The following ITGBL1 variants were observed in gnomAD, a reference collection of about 807,000 sequenced individuals.
ITGBL1 encodes integrin subunit beta like 1.
Under a neutral mutation model 68.5 loss-of-function variants are expected in ITGBL1, and 51 were observed. The observed-to-expected ratio is 0.74, with a 90% CI of 0.59 to 0.94. The LOEUF is 0.94. Among genes scored for constraint, ITGBL1 ranks in the 40% least tolerant of loss-of-function variants. ITGBL1 has a pLI of 0.00. For missense variants in ITGBL1, 649 were observed against 647.4 expected (o/e 1.00, Z -0.03); for synonymous variants, 209 against 227.3 (o/e 0.92, Z 0.72).
intron 7 of ITGBL1, among the ~76,000 whole-genome samples, chr13:101,648,455 T>G (rs557919916): frequency 3.9e-5 from 6 of 152,280 alleles, no homozygotes; most frequent in Non-Finnish European, 7.4e-5. Context: ...AGATAGACAT[T>G]TAATGATGAA....
chr13:101,567,615 A>G (rs1193582507), intron 2 of ITGBL1, 84 bp from the exon 3 acceptor site: 3 of 1,267,446 alleles, frequency 2.4e-6, no homozygotes, highest in African/African-American at 1.5e-5. Context: ...TCCCAAATCA[A>G]TGTCACTGTT....
intron 2 of ITGBL1, among the ~76,000 whole-genome samples, chr13:101,533,030 A>T (rs948510906): frequency 4.6e-5 from 7 of 152,244 alleles, no homozygotes; most frequent in African/African-American, 1.7e-4. Context: ...TATCATCATC[A>T]TAGGACATAC....
At chr13:101,664,479 T>A (rs2033165251) in intron 7 of ITGBL1, among the ~76,000 whole-genome samples, 3 of 152,312 alleles carry the variant, frequency 2.0e-5, no homozygotes, top group African/African-American at 7.2e-5. Flanking sequence ...GTTTCTTTTT[T>A]AAATATTGTT....
At chr13:101,605,862 A>G (rs1193343620) in intron 7 of ITGBL1, among the ~76,000 whole-genome samples, 3 of 150,360 alleles carry the variant, frequency 2.0e-5, no homozygotes, top group Non-Finnish European at 3.0e-5. Context: ...ATGTGTGTAT[A>G]TGTGTATATA....
At chr13:101,542,010 C>T (rs944059606) in intron 2 of ITGBL1, among the ~76,000 whole-genome samples, 6 of 152,254 alleles carry the variant, frequency 3.9e-5, no homozygotes, top group Admixed American at 3.3e-4. Flanking sequence ...AAACCAGCTC[C>T]TGGATTCATT....
intron 2 of ITGBL1, among the ~76,000 whole-genome samples, chr13:101,532,427 A>T (rs1477368437): frequency 6.6e-6 from 1 of 152,210 alleles, no homozygotes; most frequent in African/African-American, 2.4e-5. Context: ...ATGTTAATAT[A>T]TATTTTTGGA....
At position 101,661,793 on chromosome 13, in the gene ITGBL1, G is replaced by T. The variant is rs2033096700; in HGVS notation, c.1016-30792G>T. Among the ~76,000 whole-genome samples the T allele has an allele frequency of 2.0e-5, 3 of 151,944 alleles. No homozygotes were observed. In the South Asian group the frequency reaches 6.2e-4, roughly 32 times the overall value. On this transcript the variant is annotated intron_variant, in intron 7 of 10. Coordinates refer to ENST00000376180, the MANE Select transcript of ITGBL1 (RefSeq NM_004791.3). ...GAAGATAAACGAGAAACTTAGAAAA[G>T]ACTAGGTTTAGAAAGTTTATTAATT...
intron 2 of ITGBL1, among the ~76,000 whole-genome samples, chr13:101,463,698 T>A (rs1201937106): frequency 6.6e-6 from 1 of 152,118 alleles, no homozygotes; most frequent in Non-Finnish European, 1.5e-5. Flanking sequence ...CTCTAAATTG[T>A]TGATCCCAAA....
At chr13:101,596,602 G>C (rs994663819) in intron 6 of ITGBL1, among the ~76,000 whole-genome samples, 3 of 152,098 alleles carry the variant, frequency 2.0e-5, no homozygotes, top group African/African-American at 7.2e-5. Context: ...GGGAAGAAAA[G>C]AGCGACCTCT....
At chr13:101,487,261 G>T (rs941484292) in intron 2 of ITGBL1, among the ~76,000 whole-genome samples, 3 of 152,172 alleles carry the variant, frequency 2.0e-5, no homozygotes, top group African/African-American at 7.2e-5. Flanking sequence ...GTTGCTGGGA[G>T]ATGTTTGAGG....
chr13:101,479,085 A>T (rs971870118), intron 2 of ITGBL1, among the ~76,000 whole-genome samples: 2 of 152,104 alleles, frequency 1.3e-5, no homozygotes, highest in Non-Finnish European at 2.9e-5. Flanking sequence ...TAACCCAAAT[A>T]GTATAGTACT....
At chr13:101,592,079 A>G (rs972749210) in intron 6 of ITGBL1, among the ~76,000 whole-genome samples, 2 of 152,208 alleles carry the variant, frequency 1.3e-5, no homozygotes, top group African/African-American at 4.8e-5. Context: ...CCCACTCTGT[A>G]GGAAGCAGAA....
At chr13:101,699,602 C>T (rs553620732) in intron 8 of ITGBL1, among the ~76,000 whole-genome samples, 3 of 152,322 alleles carry the variant, frequency 2.0e-5, no homozygotes, top group African/African-American at 4.8e-5. Context: ...GACATATTTG[C>T]TTCCCCTTCC....
intron 2 of ITGBL1, among the ~76,000 whole-genome samples, chr13:101,516,585 C>A (rs1379283802): frequency 6.6e-6 from 1 of 152,056 alleles, no homozygotes; most frequent in Non-Finnish European, 1.5e-5. Flanking sequence ...AAAAATGCAA[C>A]AACCAATTTT....
At chr13:101,543,669 A>G (rs1349331407) in intron 2 of ITGBL1, among the ~76,000 whole-genome samples, 2 of 152,106 alleles carry the variant, frequency 1.3e-5, no homozygotes, top group Non-Finnish European at 2.9e-5. Flanking sequence ...ACTTGGTTCC[A>G]TTCTCCCTGT....
At chr13:101,453,628 C>T (rs2139605813) in intron 1 of ITGBL1, among the ~76,000 whole-genome samples, 1 of 152,334 alleles carries the variant, frequency 6.6e-6, no homozygotes, top group Non-Finnish European at 1.5e-5. Flanking sequence ...GAGGAAGGAC[C>T]TGTGTCCGGG....
At position 101,712,692 on chromosome 13, in the gene ITGBL1, T is replaced by A. The variant is rs1233890414; in HGVS notation, c.1280-1746T>A. 3.9e-5 allele frequency: 6 copies of A among 152,302 alleles called. No homozygotes were observed. The South Asian group carries it at 1.0e-3, about 26-fold the overall frequency. 9.4% of individuals were successfully genotyped at this position (152,302 alleles called of 1,614,324 possible). A position where few individuals can be genotyped will look rare whatever the true frequency, so the allele number is the denominator to read the frequency against. Reference sequence around the variant, plus strand: ...CCTTTCGAGGAAACTTCTCTGATAGTCAATGAAATACTCCATGTGGTCTTT... The same window carrying A: ...CCTTTCGAGGAAACTTCTCTGATAGACAATGAAATACTCCATGTGGTCTTT... On this transcript the variant is annotated intron_variant, in intron 9 of 10. Coordinates refer to ENST00000376180, the MANE Select transcript of ITGBL1 (RefSeq NM_004791.3).
chr13:101,511,782 A>G (rs764216059), intron 2 of ITGBL1, among the ~76,000 whole-genome samples: 2 of 152,142 alleles, frequency 1.3e-5, no homozygotes, highest in Non-Finnish European at 2.9e-5. Flanking sequence ...ATGCACCTTC[A>G]TGTCAGCCTC....
At chr13:101,656,806 G>A (rs1029970460) in intron 7 of ITGBL1, among the ~76,000 whole-genome samples, 11 of 152,024 alleles carry the variant, frequency 7.2e-5, no homozygotes, top group South Asian at 4.1e-4. Context: ...TACATCATCT[G>A]TTTTTGCATC....
Sources: gnomAD v4.1 joint callset for allele counts (sites outside exome capture counted in the v4.1 genomes callset) on GRCh38, gnomAD v4.1.1 for gene constraint, MANE v1.5 for transcripts, NCBI Gene and HGNC (gene_info 2026-07-23, HGNC 2026-07-21) for gene names.